The following TPTE2 variants were observed in gnomAD, a reference collection of about 807,000 sequenced individuals.
TPTE2 encodes the protein transmembrane phosphoinositide 3-phosphatase and tensin homolog 2.
TPTE2 carries 53 observed loss-of-function variants against 78.6 expected under a neutral mutation model. That is an observed-to-expected ratio of 0.67 (90% CI 0.54 to 0.85). The LOEUF is 0.85. Among genes scored for constraint, TPTE2 ranks in the 40% least tolerant of loss-of-function variants. TPTE2 has a pLI of 0.00. For missense variants in TPTE2, 461 were observed against 623.0 expected, an observed-to-expected ratio of 0.74 and a Z score of 2.77; for synonymous variants, 175 against 206.2, an observed-to-expected ratio of 0.85 and a Z score of 1.30.
chr13:19,498,849 C>G (rs919696365), intron 1 of TPTE2, among the ~76,000 whole-genome samples: 45 of 152,190 alleles, frequency 3.0e-4, no homozygotes, highest in African/African-American at 1.0e-3. Flanking sequence ...AAGACACAGA[C>G]TGGCAAATTG....
At chr13:19,439,028 A>G (rs1877309420) in intron 13 of TPTE2, among the ~76,000 whole-genome samples, 1 of 152,170 alleles carries the variant, frequency 6.6e-6, no homozygotes, top group Non-Finnish European at 1.5e-5. Flanking sequence ...GGGGAAAGAC[A>G]CAGGGAAACG....
chr13:19,434,478 T>C (rs1432996986), intron 15 of TPTE2, among the ~76,000 whole-genome samples: 5 of 152,194 alleles, frequency 3.3e-5, no homozygotes, highest in African/African-American at 4.8e-5. Context: ...TTTATTGCCA[T>C]TGGCAGTGGG....
chr13:19,479,238 G>T (rs1039602107), intron 4 of TPTE2, among the ~76,000 whole-genome samples: 6 of 152,100 alleles, frequency 3.9e-5, no homozygotes, highest in Non-Finnish European at 8.8e-5. Flanking sequence ...ATGAATAATA[G>T]TATTGATTTG....
chr13:19,481,340 G>T (rs562899434), intron 4 of TPTE2, among the ~76,000 whole-genome samples: 1 of 152,124 alleles, frequency 6.6e-6, no homozygotes, highest in Non-Finnish European at 1.5e-5. Flanking sequence ...ACAATATCCA[G>T]TACATAGATT....
chr13:19,496,147 T>C (rs759045019), intron 1 of TPTE2, among the ~76,000 whole-genome samples: 34 of 152,238 alleles, frequency 2.2e-4, no homozygotes, highest in Non-Finnish European at 4.0e-4. Context: ...ACTACAGGCC[T>C]GAGCCACCGC....
the TPTE2 span, among the ~76,000 whole-genome samples, chr13:19,555,190 G>T: frequency 6.6e-6 from 1 of 152,138 alleles, no homozygotes; most frequent in Admixed American, 6.5e-5. Context: ...GGTGGGGAAA[G>T]GTTAGTGTGG....
At chr13:19,504,324 AATCCCT>A (rs917249704), upstream of TPTE2, among the ~76,000 whole-genome samples, 2 of 152,012 alleles carry the variant, frequency 1.3e-5, no homozygotes, top group African/African-American at 4.8e-5. Context: ...CTGACACTAA[AATCCCT>A]TCATCAGTGC....
chr13:19,443,338 A>AT (rs1877603863), intron 13 of TPTE2, among the ~76,000 whole-genome samples: 1 of 148,532 alleles, frequency 6.7e-6, no homozygotes, highest in South Asian at 2.2e-4. Context: ...TCCATTCATG[A>AT]TTTAAAAAAA....
intron 14 of TPTE2, 65 bp from the exon 18 acceptor site, chr13:19,436,371 C>T (rs1877090874): frequency 7.0e-7 from 1 of 1,432,738 alleles, no homozygotes; most frequent in Admixed American, 2.0e-5. Context: ...TATTAGGTAC[C>T]CTTAGTGTTT....
chr13:19,493,616 G>A (rs766240666), intron 1 of TPTE2, 115 bp from the exon 5 acceptor site: 4 of 913,554 alleles, frequency 4.4e-6, no homozygotes, highest in Non-Finnish European at 7.2e-6. Context: ...GACTATTCAT[G>A]TATACAGCAC....
At chr13:19,513,097 T>C (rs1869560002) in intron 1 of TPTE2, among the ~76,000 whole-genome samples, 1 of 152,220 alleles carries the variant, frequency 6.6e-6, no homozygotes. Flanking sequence ...ATATTGGTAA[T>C]CTTACGATAA....
chr13:19,506,431 C>T (rs188700521), upstream of TPTE2, among the ~76,000 whole-genome samples: 1,305 of 152,056 alleles, frequency 8.6e-3, 13 homozygotes, highest in African/African-American at 0.03. Flanking sequence ...CCTTGGCCTC[C>T]CAAAGTGCTG....
Position 19,486,562 on chromosome 13 carries a change from T to C in TPTE2, c.120-4015A>G, listed in dbSNP as rs958227542. Among the ~76,000 whole-genome samples the C allele has an allele frequency of 6.6e-6, 1 of 152,176 alleles. No homozygotes were observed. Among genetic ancestry groups the C allele is most frequent in the African/African-American group, 2.4e-5 (1 of 41,448 alleles). ...GGCCCAGGACGCAGGCACACAGCTG[T>C]TTGCCTGGCCTGGAAGCATGCACTC... On this transcript the variant is annotated intron_variant, in intron 3 of 19. Coordinates refer to ENST00000400230, the Ensembl canonical transcript of TPTE2. The surrounding 1 kb of genome is among the most constrained non-coding windows in gnomAD (Gnocchi z 4.3).
At chr13:19,430,161 G>GA (rs1479668300) in intron 17 of TPTE2, among the ~76,000 whole-genome samples, 3 of 152,172 alleles carry the variant, frequency 2.0e-5, no homozygotes, top group Non-Finnish European at 2.9e-5. Context: ...AAAATGACCA[G>GA]ATATGTAAAT....
chr13:19,561,119 A>G, the TPTE2 span: 2 of 1,604,862 alleles, frequency 1.2e-6, no homozygotes, highest in Admixed American at 3.4e-5. Flanking sequence ...GTGGCCTGGG[A>G]GGCAGTGGGT....
intron 11 of TPTE2, among the ~76,000 whole-genome samples, chr13:19,450,842 A>G (rs189198032): frequency 2.0e-4 from 30 of 152,256 alleles, no homozygotes; most frequent in Admixed American, 5.9e-4. Context: ...TAAATTGTCT[A>G]TGTCCTCATA....
intron 19 of TPTE2, 63 bp from the exon 23 acceptor site, chr13:19,423,227 G>A (rs954690710): frequency 5.3e-6 from 7 of 1,316,026 alleles, no homozygotes; most frequent in Non-Finnish European, 7.3e-6. Context: ...ACGCAGTTGG[G>A]TACCCACGTT....
the TPTE2 span, among the ~76,000 whole-genome samples, chr13:19,542,951 T>TAC: frequency 5.3e-5 from 8 of 151,748 alleles, no homozygotes; most frequent in African/African-American, 1.9e-4. Flanking sequence ...TGTGCCAGTG[T>TAC]ACTCTAGCCT....
At chr13:19,512,451 A>G (rs1355762466) in intron 1 of TPTE2, among the ~76,000 whole-genome samples, 1 of 152,236 alleles carries the variant, frequency 6.6e-6, no homozygotes, top group Non-Finnish European at 1.5e-5. Flanking sequence ...CCATCTTTAC[A>G]TCATCTTCCT....
Sources: gnomAD v4.1 joint callset for allele counts (sites outside exome capture counted in the v4.1 genomes callset) on GRCh38, gnomAD v4.1.1 for gene constraint, Gnocchi (gnomAD v3.1) non-coding constraint, MANE v1.5 for transcripts, NCBI Gene and HGNC (gene_info 2026-07-23, HGNC 2026-07-21) for gene names.